The following EDIL3 variants were observed in gnomAD, a reference collection of about 807,000 sequenced individuals.
The protein encoded by EDIL3 is EGF-like repeat and discoidin I-like domain-containing protein 3.
Under a neutral mutation model 67.4 loss-of-function variants are expected in EDIL3, and 37 were observed. The observed-to-expected ratio is 0.55, with a 90% CI of 0.42 to 0.72. The LOEUF is 0.72. EDIL3 is among the 30% of genes least tolerant of loss of function. The pLI is 0.00. For missense variants in EDIL3, 527 were observed against 586.3 expected (o/e 0.90, Z 1.04); for synonymous variants, 195 against 196.3 (o/e 0.99, Z 0.05).
intron 9 of EDIL3, among the ~76,000 whole-genome samples, chr5:83,992,805 T>C (rs1745173399): frequency 2.6e-5 from 4 of 151,982 alleles, no homozygotes; most frequent in Non-Finnish European, 1.5e-5. Context: ...ATTATTATAA[T>C]GTATTATAGT....
intron 5 of EDIL3, among the ~76,000 whole-genome samples, chr5:84,116,213 C>T (rs1331795140): frequency 7.1e-6 from 1 of 141,514 alleles, no homozygotes; most frequent in African/African-American, 2.6e-5. Flanking sequence ...AAAAAAACCC[C>T]AAGAGATGAA....
In EDIL3 at chr5:83,989,713, C is replaced by T. The variant is rs531768499; in HGVS notation, c.1138-26353G>A. 2.2e-4 allele frequency among the ~76,000 whole-genome samples: 33 copies of T among 152,294 alleles called. No homozygotes were observed. The East Asian group carries it at 2.5e-3, about 12-fold the overall frequency. On this transcript the variant is annotated intron_variant, in intron 9 of 10. Transcript: ENST00000296591. ...CCTGGTATTCTCGTACTTGTATATT[C>T]GCCTTTCCTGAATGCAGGTGAGACC...
At chr5:84,244,961 C>CCCA (rs1744877498) in intron 2 of EDIL3, among the ~76,000 whole-genome samples, 2 of 152,182 alleles carry the variant, frequency 1.3e-5, no homozygotes, top group Admixed American at 1.3e-4. Context: ...CTAATGCCAA[C>CCCA]CCACCTTCTG....
chr5:84,197,068 G>A (rs1362158706), intron 3 of EDIL3: 1 of 151,974 alleles, frequency 6.6e-6, no homozygotes, highest in East Asian at 1.9e-4. Context: ...AGACATTATG[G>A]TCTTATAACA....
chr5:84,132,553 T>TG (rs1748010414), intron 5 of EDIL3, among the ~76,000 whole-genome samples: 1 of 99,944 alleles, frequency 1.0e-5, no homozygotes, highest in African/African-American at 4.0e-5. Flanking sequence ...ATAATATATA[T>TG]TTTATATATT....
chr5:84,300,933 T>C (rs79365085), intron 1 of EDIL3, among the ~76,000 whole-genome samples: 5 of 149,696 alleles, frequency 3.3e-5, no homozygotes, highest in South Asian at 4.2e-4. Flanking sequence ...CACAGACACA[T>C]ACACACACAC....
At chr5:84,032,769 C>T (rs1043242154) in intron 9 of EDIL3, among the ~76,000 whole-genome samples, 1 of 152,202 alleles carries the variant, frequency 6.6e-6, no homozygotes. Flanking sequence ...ATGCCTTACA[C>T]TTTCAGAATT....
At chr5:84,236,346 G>A (rs1744682382) in intron 2 of EDIL3, among the ~76,000 whole-genome samples, 1 of 152,090 alleles carries the variant, frequency 6.6e-6, no homozygotes, top group Non-Finnish European at 1.5e-5. Context: ...CTTAAAGGAA[G>A]TAGTAAATAT....
At chr5:84,133,342 T>G (rs835448) in intron 5 of EDIL3, among the ~76,000 whole-genome samples, 79,073 of 150,746 alleles carry the variant, frequency 0.52, 21,484 homozygotes, top group African/African-American at 0.69. Flanking sequence ...GGAATGAGGG[T>G]CTGCGCGCAG....
chr5:84,137,935 G>A (rs903788302), intron 4 of EDIL3, among the ~76,000 whole-genome samples: 1 of 152,200 alleles, frequency 6.6e-6, no homozygotes, highest in Non-Finnish European at 1.5e-5. Flanking sequence ...TTTCTAAAGT[G>A]AGGATGACTA....
intron 9 of EDIL3, among the ~76,000 whole-genome samples, chr5:83,983,341 A>G (rs1381888697): frequency 1.3e-5 from 2 of 152,280 alleles, no homozygotes; most frequent in East Asian, 3.9e-4. Context: ...ATTGAGGAAC[A>G]TGCTTATTAA....
At chr5:83,995,397 TG>T (rs1469142001) in intron 9 of EDIL3, among the ~76,000 whole-genome samples, 2 of 152,162 alleles carry the variant, frequency 1.3e-5, no homozygotes, top group African/African-American at 2.4e-5. Context: ...TGTCCCCACA[TG>T]GTACTGGGCA....
In EDIL3 at chr5:84,074,755, G is replaced by T. The variant is rs373468401; in HGVS notation, c.652-8149C>A. The stretch of plus-strand genomic sequence containing the variant: ...AACACTTTTACACTGTTGGTGGGAC[G>T]GTAAACTAGTTCAACCATTGTGGAA... On this transcript the variant is annotated intron_variant, in intron 6 of 10. Coordinates refer to ENST00000296591, the MANE Select transcript of EDIL3 (RefSeq NM_005711.5). Among the ~76,000 whole-genome samples the T allele has an allele frequency of 8.0e-3, 1,222 of 152,000 alleles. 14 individuals are homozygous for T. Among genetic ancestry groups the T allele is most frequent in the African/African-American group, 0.027 (1,138 of 41,390 alleles).
At chr5:84,210,908 A>C (rs1580378998) in intron 3 of EDIL3, among the ~76,000 whole-genome samples, 1 of 152,244 alleles carries the variant, frequency 6.6e-6, no homozygotes, top group East Asian at 1.9e-4. Context: ...TTTAGTTACA[A>C]TTTTTTTGGA....
At chr5:84,231,403 G>A (rs567193915) in intron 2 of EDIL3, among the ~76,000 whole-genome samples, 23 of 152,276 alleles carry the variant, frequency 1.5e-4, no homozygotes, top group African/African-American at 4.3e-4. Context: ...GAATATTACC[G>A]TTGAATTATA....
intron 2 of EDIL3, among the ~76,000 whole-genome samples, chr5:84,240,110 T>G (rs2112056687): frequency 6.6e-6 from 1 of 152,322 alleles, no homozygotes; most frequent in Admixed American, 6.5e-5. Context: ...CATTCAGCCC[T>G]TTCCAAATCA....
chr5:84,074,503 A>C (rs1305480828), intron 6 of EDIL3, among the ~76,000 whole-genome samples: 1 of 152,132 alleles, frequency 6.6e-6, no homozygotes, highest in Non-Finnish European at 1.5e-5. Flanking sequence ...AATTTACAAG[A>C]AAAAAACAAA....
intron 10 of EDIL3, among the ~76,000 whole-genome samples, chr5:83,945,012 A>C (rs191892896): frequency 6.6e-6 from 1 of 151,954 alleles, no homozygotes; most frequent in Non-Finnish European, 1.5e-5. Flanking sequence ...TACGGCCACA[A>C]ATGTTCTCCT....
rs534142665 is a variant in EDIL3 at position 84,232,238 on chromosome 5, G to A, written c.197-2354C>T. 2.8e-4 allele frequency among the ~76,000 whole-genome samples: 43 copies of A among 152,218 alleles called. No individual in the cohort carries two copies. The South Asian group carries it at 7.9e-3, about 28-fold the overall frequency. ...GTTAGCTGGACTTAAGCATAAAACT[G>A]GGGGAGAAAAGAAAGAAAAATTGAT... On this transcript the variant is annotated intron_variant, in intron 2 of 10. Transcript: ENST00000296591.
Sources: gnomAD v4.1 joint callset for allele counts (sites outside exome capture counted in the v4.1 genomes callset) on GRCh38, gnomAD v4.1.1 for gene constraint, MANE v1.5 for transcripts, NCBI Gene and HGNC (gene_info 2026-07-23, HGNC 2026-07-21) for gene names.